The following KDM4C variants were observed in gnomAD, a reference collection of about 807,000 sequenced individuals.
The protein encoded by KDM4C is lysine-specific demethylase 4C.
KDM4C carries 81 observed loss-of-function variants against 129.3 expected under a neutral mutation model. The ratio of observed to expected loss-of-function variants is 0.63; its 90% CI spans 0.52 to 0.75. KDM4C has a LOEUF of 0.75. KDM4C is among the 30% of genes least tolerant of loss of function. The probability of loss-of-function intolerance (pLI) is 0.00; values close to 1 mark genes in which losing one functional copy is unlikely to be tolerated. For missense variants in KDM4C, 1,457 were observed against 1,304.0 expected, an observed-to-expected ratio of 1.12 and a Z score of -1.81; for synonymous variants, 573 against 456.1, an observed-to-expected ratio of 1.26 and a Z score of -3.26.
intron 1 of KDM4C, among the ~76,000 whole-genome samples, chr9:6,774,166 G>A (rs564301750): frequency 6.6e-6 from 1 of 152,060 alleles, no homozygotes; most frequent in Non-Finnish European, 1.5e-5. Flanking sequence ...GGGATTACAG[G>A]TGTGAGCCAC....
At chr9:6,734,622 A>AAT (rs1563917007) in intron 1 of KDM4C, 1 of 249,926 alleles carries the variant, frequency 4.0e-6, no homozygotes, top group African/African-American at 2.3e-5. Flanking sequence ...GCCCTTTATT[A>AAT]GCATTTGGAG....
At chr9:6,963,968 T>G (rs1830462128) in intron 8 of KDM4C, among the ~76,000 whole-genome samples, 1 of 152,240 alleles carries the variant, frequency 6.6e-6, no homozygotes, top group Non-Finnish European at 1.5e-5. Flanking sequence ...AGCAGCTTCA[T>G]TTGCAAGCTG....
chr9:7,049,319 A>C, intron 17 of KDM4C, 119 bp downstream of exon 17: 1 of 506,016 alleles, frequency 2.0e-6, no homozygotes. Context: ...TTATTTTTCT[A>C]CCCTTATTTT....
At chr9:7,027,385 G>C (rs1039247336) in intron 15 of KDM4C, among the ~76,000 whole-genome samples, 1 of 152,152 alleles carries the variant, frequency 6.6e-6, no homozygotes, top group African/African-American at 2.4e-5. Flanking sequence ...GAATTTTCTG[G>C]ATTACTAGGC....
chr9:7,073,405 A>G (rs987131280), intron 17 of KDM4C, among the ~76,000 whole-genome samples: 1 of 152,232 alleles, frequency 6.6e-6, no homozygotes, highest in Admixed American at 6.5e-5. Context: ...TTTATATGTT[A>G]TATAGATAAT....
rs56824084 is a variant in KDM4C at position 6,859,200 on chromosome 9, G to A, written c.629+9500G>A. Among the ~76,000 whole-genome samples, 46 of 152,122 alleles carry A rather than the reference G, an allele frequency of 3.0e-4. 1 individual carries two copies. The East Asian group carries it at 7.0e-3, about 23-fold the overall frequency. On this transcript the variant is annotated intron_variant, in intron 5 of 21. Transcript: ENST00000381309. ...CTGTTAGAAATCATCTCTGGTGGCCGGGTACGGTGGTTCATGCCTATAATC... is the reference window on the plus strand; with the variant it reads ...CTGTTAGAAATCATCTCTGGTGGCCAGGTACGGTGGTTCATGCCTATAATC...
upstream of KDM4C, among the ~76,000 whole-genome samples, chr9:6,756,957 T>C (rs1334010047): frequency 6.6e-6 from 1 of 152,116 alleles, no homozygotes; most frequent in East Asian, 1.9e-4. Context: ...TGCTCACTGG[T>C]GTGAAGATAT....
At chr9:6,778,878 G>T (rs916354384) in intron 1 of KDM4C, among the ~76,000 whole-genome samples, 1 of 150,406 alleles carries the variant, frequency 6.6e-6, no homozygotes, top group Non-Finnish European at 1.5e-5. Context: ...AGTGCAAGTG[G>T]CCTGGCTAAT....
At chr9:7,026,903 A>G (rs1825907394) in intron 15 of KDM4C, among the ~76,000 whole-genome samples, 1 of 152,040 alleles carries the variant, frequency 6.6e-6, no homozygotes, top group Non-Finnish European at 1.5e-5. Context: ...CAATGTCAGT[A>G]GCATTTTTCA....
intron 11 of KDM4C, among the ~76,000 whole-genome samples, chr9:6,988,785 G>T (rs1327314700): frequency 2.0e-5 from 3 of 151,012 alleles, no homozygotes; most frequent in Non-Finnish European, 2.9e-5. Flanking sequence ...TCCCCCAGAT[G>T]CTCCTCCCCC....
chr9:6,814,685 G>T lies in KDM4C; in HGVS notation c.375G>T (p.Lys125Asn). The T allele has an allele frequency of 6.2e-7, 1 of 1,611,778 alleles. No homozygotes were observed. Residue 125 changes from lysine to asparagine, a missense_variant, in exon 4 of 22, where the codon AAG becomes AAT. By Grantham distance (94) the Lys-to-Asn change is moderately conservative (BLOSUM62 0). Coordinates refer to ENST00000381309, the MANE Select transcript of KDM4C (RefSeq NM_015061.6). ...DYEDLERKYW[K>N]NLTFVAPIYG... Reference sequence around the variant, plus strand: ...AAGATTTGGAGCGCAAGTACTGGAAGAACTTAACTTTTGTGGCACCTATCT... The same window carrying T: ...AAGATTTGGAGCGCAAGTACTGGAATAACTTAACTTTTGTGGCACCTATCT...
chr9:6,981,611 G>A (rs1403163340), intron 9 of KDM4C, among the ~76,000 whole-genome samples: 1 of 152,124 alleles, frequency 6.6e-6, no homozygotes, highest in Non-Finnish European at 1.5e-5. Context: ...ACAGCATATA[G>A]CATTTCTGTA....
At chr9:7,044,008 GT>G (rs35124449) in intron 15 of KDM4C, among the ~76,000 whole-genome samples, 6,760 of 152,106 alleles carry the variant, frequency 0.044, 199 homozygotes, top group East Asian at 0.1. Flanking sequence ...TCATAATAGA[GT>G]AAGAGCAATT....
At chr9:6,984,485 A>C in intron 10 of KDM4C, 81 bp downstream of exon 10, 1 of 887,904 alleles carries the variant, frequency 1.1e-6, no homozygotes, top group South Asian at 1.5e-5. Context: ...GTTCACTATG[A>C]CAAGTATCTG....
intron 8 of KDM4C, among the ~76,000 whole-genome samples, chr9:6,916,046 G>C (rs1197600669): frequency 6.6e-6 from 1 of 152,162 alleles, no homozygotes; most frequent in Non-Finnish European, 1.5e-5. Flanking sequence ...CATCATATTT[G>C]ACCTGGTGAA....
chr9:6,760,252 T>C (rs972530470), intron 1 of KDM4C, among the ~76,000 whole-genome samples: 5 of 151,842 alleles, frequency 3.3e-5, no homozygotes, highest in African/African-American at 1.2e-4. Flanking sequence ...ATAATGTTTT[T>C]TAAGGTTCAT....
At chr9:7,055,046 T>G (rs1435850633) in intron 17 of KDM4C, among the ~76,000 whole-genome samples, 1 of 152,084 alleles carries the variant, frequency 6.6e-6, no homozygotes, top group Non-Finnish European at 1.5e-5. Flanking sequence ...GTGTGGGTGG[T>G]GCATGCTTGT....
At chr9:7,156,199 G>T (rs924951609) in intron 19 of KDM4C, among the ~76,000 whole-genome samples, 1 of 152,084 alleles carries the variant, frequency 6.6e-6, no homozygotes, top group Non-Finnish European at 1.5e-5. Flanking sequence ...TTTTTGATGA[G>T]GTTGTTTGTT....
intron 11 of KDM4C, among the ~76,000 whole-genome samples, chr9:6,989,818 AGGCTGTTGTGCAGT>A (rs1388470275): frequency 6.6e-6 from 1 of 152,194 alleles, no homozygotes; most frequent in African/African-American, 2.4e-5. Context: ...CCTGTCACCC[AGGCTGTTGTGCAGT>A]GGCTTGATCT....
Sources: gnomAD v4.1 joint callset for allele counts (sites outside exome capture counted in the v4.1 genomes callset) on GRCh38, gnomAD v4.1.1 for gene constraint, MANE v1.5 for transcripts, NCBI Gene and HGNC (gene_info 2026-07-23, HGNC 2026-07-21) for gene names.